Variants in SUFU observed in about 807,000 individuals in gnomAD.
SUFU encodes the protein SUFU negative regulator of hedgehog signaling.
A neutral mutation model predicts 58.9 loss-of-function variants in SUFU; 7 were observed. The ratio of observed to expected loss-of-function variants is 0.12; its 90% CI spans 0.07 to 0.22. The LOEUF is 0.22. SUFU is among the 10% of genes least tolerant of loss of function. The pLI, the probability that SUFU is intolerant of heterozygous loss-of-function variation, is 1.00. For synonymous variants in SUFU, 232 were observed against 254.8 expected (o/e 0.91, Z 0.85); for missense variants, 451 against 641.3 (o/e 0.70, Z 3.20).
At chr10:102,556,827 T>C (rs1469057531) in intron 3 of SUFU, among the ~76,000 whole-genome samples, 1 of 146,958 alleles carries the variant, frequency 6.8e-6, no homozygotes, top group Non-Finnish European at 1.5e-5. Context: ...AGTGGCTCAT[T>C]ACTTGTAATC....
chr10:102,630,146 GC>G lies in SUFU; in HGVS notation c.1447del (p.Leu483TyrfsTer20), dbSNP rs1564712541. 1 of 1,614,136 alleles carries G rather than the reference GC, an allele frequency of 6.2e-7. No individual in the cohort carries two copies. The highest frequency in any genetic ancestry group is 2.2e-5 in the East Asian group (1 of 44,882). On this transcript the variant is annotated frameshift_variant, in exon 12 of 12. Coordinates refer to ENST00000369902, the MANE Select transcript of SUFU (RefSeq NM_016169.4). LOFTEE classifies it high-confidence loss of function. ...ILPDVVFDSP[L>X]H ...TGCCTGACGTGGTGTTCGACAGTCC[GC>G]TACACTAGCCTGGGCTGGGCCCTGC... is the stretch of plus-strand genomic sequence containing the variant.
chr10:102,542,914 C>T lies in SUFU; in HGVS notation c.318-7056C>T, dbSNP rs372695190. 1.4e-4 allele frequency among the ~76,000 whole-genome samples: 21 copies of T among 152,304 alleles called. No homozygotes were observed. In the South Asian group the frequency reaches 3.3e-3, roughly 24 times the overall value. ...TGCTGGAATTACAGGCATGAACCACCGTGCCCAGCCTCTTTTGCTTTTTTC... is the reference window on the plus strand; with the variant it reads ...TGCTGGAATTACAGGCATGAACCACTGTGCCCAGCCTCTTTTGCTTTTTTC... On this transcript the variant is annotated intron_variant, in intron 2 of 11. Transcript: ENST00000369902.
At chr10:102,524,456 G>A (rs535440525) in intron 2 of SUFU, among the ~76,000 whole-genome samples, 27 of 150,490 alleles carry the variant, frequency 1.8e-4, no homozygotes, top group African/African-American at 6.6e-4. Context: ...CTCCCAAGTA[G>A]CTGGGACTAC....
intron 6 of SUFU, among the ~76,000 whole-genome samples, 156 bp from the exon 7 acceptor site, chr10:102,596,984 G>A (rs1359070699): frequency 6.6e-6 from 1 of 152,070 alleles, no homozygotes; most frequent in Non-Finnish European, 1.5e-5. Context: ...GGTAACCAGG[G>A]CAGAACAAGG....
At position 102,618,783 on chromosome 10, in the gene SUFU, C is replaced by T. The variant is rs75879889; in HGVS notation, c.1296+1355C>T. The stretch of plus-strand genomic sequence containing the variant: ...AAGGGCCTCCCTCCATTCCCTACCC[C>T]CAGCCATGTCCCGGGCTGCTGCGTC... On this transcript the variant is annotated intron_variant, in intron 10 of 11. Transcript: ENST00000369902. The T allele has an allele frequency of 2.1e-3, 1,076 of 516,780 alleles. 7 individuals are homozygous for T. The highest frequency in any genetic ancestry group is 0.019 in the African/African-American group (972 of 52,462). The allele number at this position is 516,780 out of a possible 1,614,324, so 32.0% of individuals were successfully genotyped here. A position where few individuals can be genotyped will look rare whatever the true frequency, so the allele number is the denominator to read the frequency against.
chr10:102,591,358 G>A (rs2063398601), intron 3 of SUFU, among the ~76,000 whole-genome samples: 1 of 152,128 alleles, frequency 6.6e-6, no homozygotes, highest in South Asian at 2.1e-4. Flanking sequence ...AAATTAGCCA[G>A]GTGTGGTGGC....
chr10:102,602,592 G>T (rs1048180971), intron 8 of SUFU, among the ~76,000 whole-genome samples: 2 of 152,148 alleles, frequency 1.3e-5, no homozygotes, highest in Non-Finnish European at 1.5e-5. Context: ...AAATTATTTT[G>T]TGACACAAGG....
In SUFU at chr10:102,625,663, TA is replaced by T. The variant is rs2063779377; in HGVS notation, c.1297-1510del. Among the ~76,000 whole-genome samples the T allele has an allele frequency of 6.6e-6, 1 of 152,198 alleles. No homozygotes were observed. The highest frequency in any genetic ancestry group is 1.5e-5 in the Non-Finnish European group (1 of 68,034). On this transcript the variant is annotated intron_variant, in intron 10 of 11. Coordinates refer to ENST00000369902, the MANE Select transcript of SUFU (RefSeq NM_016169.4). The surrounding 1 kb of genome is among the most constrained non-coding windows in gnomAD (Gnocchi z 4.7). ...GCCGTGTGACACTGAGCAAATTACATAACCTGCCTGTGCCTGTTTCCTCCAC... is the reference window on the plus strand; with the variant it reads ...GCCGTGTGACACTGAGCAAATTACATACCTGCCTGTGCCTGTTTCCTCCAC...
intron 10 of SUFU, among the ~76,000 whole-genome samples, chr10:102,621,285 G>A (rs2063738264): frequency 6.6e-6 from 1 of 152,188 alleles, no homozygotes; most frequent in Admixed American, 6.5e-5. Flanking sequence ...CCGAGACCTT[G>A]TTGTCCAGGG....
chr10:102,573,316 A>G (rs2063181992), intron 3 of SUFU: 2 of 518,484 alleles, frequency 3.9e-6, no homozygotes, highest in Non-Finnish European at 7.0e-6. Context: ...AAAAGAAAAA[A>G]CAAAACAAAA....
chr10:102,558,551 T>C (rs754136139), intron 3 of SUFU, among the ~76,000 whole-genome samples: 3 of 152,272 alleles, frequency 2.0e-5, no homozygotes, highest in Middle Eastern at 3.4e-3. Flanking sequence ...AGTTCTGGGG[T>C]AGGACACAGA....
chr10:102,505,090 G>T (rs1762031890), intron 1 of SUFU, among the ~76,000 whole-genome samples: 1 of 152,178 alleles, frequency 6.6e-6, no homozygotes, highest in Non-Finnish European at 1.5e-5. Flanking sequence ...GATTGAAGGG[G>T]CCGACAGCTT....
At chr10:102,547,835 GAGAGAGAGAGAA>G (rs1282097496) in intron 2 of SUFU, among the ~76,000 whole-genome samples, 2 of 150,938 alleles carry the variant, frequency 1.3e-5, no homozygotes, top group Non-Finnish European at 3.0e-5. Flanking sequence ...GCGGGGGGGA[GAGAGAGAGAGAA>G]AGAAAGAGAG....
chr10:102,580,743 A>G (rs1360659757), intron 3 of SUFU, among the ~76,000 whole-genome samples: 2 of 152,080 alleles, frequency 1.3e-5, no homozygotes, highest in African/African-American at 4.8e-5. Context: ...CCTCCCTAAA[A>G]TGAGGGTAGC....
intron 3 of SUFU, among the ~76,000 whole-genome samples, chr10:102,586,714 T>A (rs1438634915): frequency 6.6e-6 from 1 of 152,188 alleles, no homozygotes; most frequent in Non-Finnish European, 1.5e-5. Flanking sequence ...AACATAAAAT[T>A]TATCATTTTA....
chr10:102,574,424 A>G (rs1276342941), intron 3 of SUFU, among the ~76,000 whole-genome samples: 1 of 152,242 alleles, frequency 6.6e-6, no homozygotes, highest in Non-Finnish European at 1.5e-5. Context: ...TTATGTTAGA[A>G]AGCAAGATGT....
chr10:102,572,707 TTATG>T, intron 3 of SUFU: 3 of 684,538 alleles, frequency 4.4e-6, no homozygotes, highest in South Asian at 4.3e-5. Flanking sequence ...TTTGTTGTTG[TTATG>T]GTGAAAAGAT....
intron 3 of SUFU, among the ~76,000 whole-genome samples, chr10:102,589,127 T>C (rs1037722411): frequency 1.3e-5 from 2 of 152,162 alleles, no homozygotes; most frequent in East Asian, 3.9e-4. Context: ...GTGTTCTTGC[T>C]CTGTTGCCTA....
intron 2 of SUFU, among the ~76,000 whole-genome samples, chr10:102,515,191 C>T (rs571121192): frequency 3.9e-5 from 6 of 152,158 alleles, no homozygotes; most frequent in South Asian, 4.1e-4. Context: ...GCTCTGCACC[C>T]GCATGAGTTA....
Sources: gnomAD v4.1 joint callset for allele counts (sites outside exome capture counted in the v4.1 genomes callset) on GRCh38, gnomAD v4.1.1 for gene constraint, Gnocchi (gnomAD v3.1) non-coding constraint, MANE v1.5 for transcripts, NCBI Gene and HGNC (gene_info 2026-07-23, HGNC 2026-07-21) for gene names.